Variants in ASAP1 observed in about 807,000 individuals in gnomAD.
ASAP1 encodes ArfGAP with SH3 domain, ankyrin repeat and PH domain 1, also known as arf-GAP with SH3 domain, ANK repeat and PH domain-containing protein 1.
A neutral mutation model predicts 145.2 loss-of-function variants in ASAP1; 43 were observed. That is an observed-to-expected ratio of 0.30 (90% CI 0.23 to 0.38). The LOEUF is 0.38. ASAP1 is among the 10% of genes least tolerant of loss of function. The pLI, the probability that ASAP1 is intolerant of heterozygous loss-of-function variation, is 1.00. For synonymous variants in ASAP1, 546 were observed against 515.5 expected (o/e 1.06, Z -0.80); for missense variants, 1,018 against 1,355.3 (o/e 0.75, Z 3.91).
chr8:130,064,026 T>C (rs2097424913), intron 27 of ASAP1, among the ~76,000 whole-genome samples: 1 of 152,078 alleles, frequency 6.6e-6, no homozygotes, highest in Non-Finnish European at 1.5e-5. Context: ...CACTCTGATA[T>C]GGCAAGAGTG....
intron 24 of ASAP1, among the ~76,000 whole-genome samples, chr8:130,105,330 G>A (rs1205987327): frequency 3.3e-5 from 5 of 152,200 alleles, no homozygotes; most frequent in Non-Finnish European, 1.5e-5. Flanking sequence ...GAGAATGCGT[G>A]TAGGTTATAT....
chr8:130,131,469 C>CAG (rs1403321091), intron 15 of ASAP1, among the ~76,000 whole-genome samples: 1 of 151,718 alleles, frequency 6.6e-6, no homozygotes, highest in African/African-American at 2.4e-5. Flanking sequence ...CACCAGCACC[C>CAG]AGAGAGAATG....
chr8:130,118,453 A>G, intron 19 of ASAP1, 36 bp downstream of exon 19: 1 of 1,572,950 alleles, frequency 6.4e-7, no homozygotes, highest in Non-Finnish European at 8.6e-7. Flanking sequence ...GATTTTCCAC[A>G]TTACTTTTTA....
chr8:130,263,430 G>A (rs981953717), intron 3 of ASAP1, among the ~76,000 whole-genome samples: 15 of 152,168 alleles, frequency 9.9e-5, no homozygotes, highest in Non-Finnish European at 2.1e-4. Context: ...GTAGAAAAAA[G>A]ATGCAACAAG....
intron 3 of ASAP1, among the ~76,000 whole-genome samples, chr8:130,305,031 C>T (rs1028305340): frequency 2.0e-5 from 3 of 152,164 alleles, no homozygotes; most frequent in African/African-American, 4.8e-5. Context: ...TTTGTTGTTT[C>T]GTGAATGTGT....
At chr8:130,157,881 C>T (rs772882411) in intron 12 of ASAP1, among the ~76,000 whole-genome samples, 1 of 152,160 alleles carries the variant, frequency 6.6e-6, no homozygotes, top group Non-Finnish European at 1.5e-5. Flanking sequence ...CTCCGTAGCA[C>T]TAATTACCAT....
intron 15 of ASAP1, among the ~76,000 whole-genome samples, chr8:130,132,088 G>T: frequency 6.6e-6 from 1 of 150,928 alleles, no homozygotes; most frequent in East Asian, 1.9e-4. Flanking sequence ...AATCGGAGAA[G>T]GAGAAACAAT....
At chr8:130,356,545 G>GAA (rs1826320874) in intron 3 of ASAP1, among the ~76,000 whole-genome samples, 1 of 151,810 alleles carries the variant, frequency 6.6e-6, no homozygotes, top group South Asian at 2.1e-4. Context: ...CAAAAAAAAA[G>GAA]AAAAAAGAAA....
chr8:130,072,824 T>TGTGTGTGTGTGTGTGTGTGTGTGTGCGC lies in ASAP1; in HGVS notation c.2701+3523_2701+3524insGCGCACACACACACACACACACACACAC. On this transcript the variant is annotated intron_variant, in intron 27 of 29. Transcript: ENST00000518721. Reference sequence around the variant, plus strand: ...GTGTGTGTGTGTGTGTGTGTGTGTGTGCGCGCGGGGGGGGGCAGTTTTGGG... The same window carrying TGTGTGTGTGTGTGTGTGTGTGTGTGCGC: ...GTGTGTGTGTGTGTGTGTGTGTGTGTGTGTGTGTGTGTGTGTGTGTGTGTGCGCGCGCGCGGGGGGGGGCAGTTTTGGG... Among the ~76,000 whole-genome samples the TGTGTGTGTGTGTGTGTGTGTGTGTGCGC allele has an allele frequency of 3.7e-4, 12 of 32,298 alleles. 1 individual carries two copies. Among genetic ancestry groups the TGTGTGTGTGTGTGTGTGTGTGTGTGCGC allele is most frequent in the Non-Finnish European group, 4.6e-4 (8 of 17,416 alleles). The allele number at this position is 32,298 out of a possible 152,430, so 21.2% of individuals were successfully genotyped here.
intron 24 of ASAP1, among the ~76,000 whole-genome samples, chr8:130,101,193 T>C (rs974676940): frequency 3.3e-5 from 5 of 152,246 alleles, no homozygotes; most frequent in African/African-American, 9.6e-5. Flanking sequence ...CTTTGTAGTA[T>C]ATTTTGAAGT....
chr8:130,339,280 C>T lies in ASAP1; in HGVS notation c.186+18737G>A, dbSNP rs188646511. Among the ~76,000 whole-genome samples the T allele has an allele frequency of 3.9e-5, 6 of 152,126 alleles. No homozygotes were observed. In the East Asian group the frequency reaches 5.8e-4, roughly 15 times the overall value. On this transcript the variant is annotated intron_variant, in intron 3 of 29. Coordinates refer to ENST00000518721, the MANE Select transcript of ASAP1 (RefSeq NM_018482.4). ...TCACCAATATCTCAAGGTAAAATAA[C>T]GTAAAGAAAAATTCTCGGTAAGAAC...
chr8:130,240,050 G>A (rs1401734264), intron 3 of ASAP1, among the ~76,000 whole-genome samples: 4 of 152,118 alleles, frequency 2.6e-5, no homozygotes. Context: ...TAGTCTAACA[G>A]AAATTACTAA....
At chr8:130,362,718 G>A (rs914736743) in intron 2 of ASAP1, among the ~76,000 whole-genome samples, 14 of 152,170 alleles carry the variant, frequency 9.2e-5, no homozygotes, top group African/African-American at 3.1e-4. Flanking sequence ...CAGAGACCTC[G>A]CTTATTTTCA....
intron 18 of ASAP1, among the ~76,000 whole-genome samples, chr8:130,121,592 A>C (rs903493048): frequency 6.6e-6 from 1 of 152,030 alleles, no homozygotes; most frequent in Non-Finnish European, 1.5e-5. Context: ...GACCAGCCTG[A>C]TCAACATGGA....
intron 27 of ASAP1, among the ~76,000 whole-genome samples, chr8:130,072,830 C>CGCACGCGCACGCGCG (rs1448184178): frequency 3.1e-5 from 1 of 31,922 alleles, no homozygotes; most frequent in Admixed American, 3.5e-4. Context: ...TGTGTGCGCG[C>CGCACGCGCACGCGCG]GGGGGGGGGC....
intron 7 of ASAP1, among the ~76,000 whole-genome samples, chr8:130,184,177 T>C (rs1814558453): frequency 6.6e-6 from 1 of 152,180 alleles, no homozygotes. Context: ...AGATTAGCAA[T>C]GAATGCTTAT....
intron 2 of ASAP1, among the ~76,000 whole-genome samples, chr8:130,361,402 GAAGA>G (rs1826702038): frequency 6.6e-6 from 1 of 152,186 alleles, no homozygotes; most frequent in Non-Finnish European, 1.5e-5. Flanking sequence ...GAGATGCAAA[GAAGA>G]AAGATTATTA....
chr8:130,276,760 T>TCTCTCTCTCTCTCTCTCTCC lies in ASAP1; in HGVS notation c.187-39767_187-39766insGGAGAGAGAGAGAGAGAGAG, dbSNP rs1333515760. Reference sequence around the variant, plus strand: ...CTCTCTCTCTCTCTCTCTCTCTCTCTCCTCTAACAAAAAAGCTCCATGGCA... The same window carrying TCTCTCTCTCTCTCTCTCTCC: ...CTCTCTCTCTCTCTCTCTCTCTCTCTCTCTCTCTCTCTCTCTCTCCCCTCTAACAAAAAAGCTCCATGGCA... On this transcript the variant is annotated intron_variant, in intron 3 of 29. Coordinates refer to ENST00000518721, the MANE Select transcript of ASAP1 (RefSeq NM_018482.4). 3.3e-4 allele frequency among the ~76,000 whole-genome samples: 43 copies of TCTCTCTCTCTCTCTCTCTCC among 130,370 alleles called. 2 individuals are homozygous for TCTCTCTCTCTCTCTCTCTCC. The highest frequency in any genetic ancestry group is 2.0e-3 in the South Asian group (8 of 4,084). The allele number at this position is 130,370 out of a possible 152,430, so 85.5% of individuals were successfully genotyped here. A position where few individuals can be genotyped will look rare whatever the true frequency, so the allele number is the denominator to read the frequency against.
intron 6 of ASAP1, among the ~76,000 whole-genome samples, chr8:130,187,821 G>T (rs1814843028): frequency 6.6e-6 from 1 of 152,172 alleles, no homozygotes; most frequent in Non-Finnish European, 1.5e-5. Context: ...GTTCAGAAGG[G>T]CTGGGTCCCC....
Sources: gnomAD v4.1 joint callset for allele counts (sites outside exome capture counted in the v4.1 genomes callset) on GRCh38, gnomAD v4.1.1 for gene constraint, MANE v1.5 for transcripts, NCBI Gene and HGNC (gene_info 2026-07-23, HGNC 2026-07-21) for gene names.